NLGN1: variants seen among roughly 807,000 people sequenced by gnomAD.
NLGN1 encodes the protein neuroligin 1, also known as neuroligin-1.
In NLGN1, 12 loss-of-function variants were observed where a neutral mutation model predicts 65.5. The observed-to-expected ratio is 0.18, with a 90% CI of 0.12 to 0.30. The LOEUF is 0.30. Among genes scored for constraint, NLGN1 ranks in the 10% least tolerant of loss-of-function variants. NLGN1 has a pLI of 1.00. For missense variants in NLGN1, 750 were observed against 1,007.1 expected (o/e 0.74, Z 3.46); for synonymous variants, 350 against 359.5 (o/e 0.97, Z 0.30).
intron 3 of NLGN1, among the ~76,000 whole-genome samples, chr3:173,746,765 A>G (rs1175444738): frequency 2.0e-5 from 3 of 152,136 alleles, no homozygotes; most frequent in Admixed American, 2.0e-4. Flanking sequence ...ATTCAATATA[A>G]CACCTTTAGG....
chr3:173,932,044 G>T (rs1315461389), intron 4 of NLGN1, among the ~76,000 whole-genome samples: 1 of 151,736 alleles, frequency 6.6e-6, no homozygotes, highest in Non-Finnish European at 1.5e-5. Flanking sequence ...GTTTTGTTTT[G>T]TTTTCCAGAG....
At chr3:173,405,451 C>T (rs117099642) in intron 1 of NLGN1, among the ~76,000 whole-genome samples, 1 of 151,832 alleles carries the variant, frequency 6.6e-6, no homozygotes, top group Non-Finnish European at 1.5e-5. Context: ...ATAAAATGCA[C>T]CTTGATTTCA....
chr3:173,763,448 A>T (rs1436200952), intron 3 of NLGN1, among the ~76,000 whole-genome samples: 1 of 152,176 alleles, frequency 6.6e-6, no homozygotes, highest in South Asian at 2.1e-4. Context: ...TGGAAAGCAC[A>T]GCAGAAATTC....
intron 4 of NLGN1, among the ~76,000 whole-genome samples, chr3:174,111,840 C>A (rs187927494): frequency 9.5e-4 from 144 of 151,952 alleles, no homozygotes; most frequent in African/African-American, 3.3e-3. Flanking sequence ...AACACATGAA[C>A]GTGCAAGGAA....
intron 4 of NLGN1, among the ~76,000 whole-genome samples, chr3:174,048,075 C>T (rs1332729778): frequency 2.6e-5 from 4 of 152,076 alleles, no homozygotes; most frequent in Admixed American, 2.6e-4. Flanking sequence ...CTTATCTGTC[C>T]TCCATACTCA....
intron 4 of NLGN1, among the ~76,000 whole-genome samples, chr3:173,836,861 G>T (rs999609925): frequency 6.6e-6 from 1 of 152,110 alleles, no homozygotes; most frequent in African/African-American, 2.4e-5. Flanking sequence ...TTCTTGTTTG[G>T]ATTTTTCTAA....
intron 4 of NLGN1, among the ~76,000 whole-genome samples, chr3:174,094,746 T>TAAAA (rs5854552): frequency 2.0e-4 from 18 of 88,896 alleles, no homozygotes; most frequent in African/African-American, 4.8e-4. Flanking sequence ...TTGGCTCCGC[T>TAAAA]AAAAAAAAAA....
At chr3:174,122,924 AAATT>A (rs1202866256) in intron 4 of NLGN1, among the ~76,000 whole-genome samples, 7 of 152,002 alleles carry the variant, frequency 4.6e-5, no homozygotes, top group African/African-American at 1.4e-4. Context: ...AATAATAAAT[AAATT>A]AATAAATAAA....
chr3:173,438,779 C>T (rs1718616042), intron 2 of NLGN1, among the ~76,000 whole-genome samples: 1 of 152,050 alleles, frequency 6.6e-6, no homozygotes, highest in African/African-American at 2.4e-5. Flanking sequence ...CAGTTGCCTT[C>T]AGGGAGTTAA....
chr3:174,056,605 T>G (rs1167143121), intron 4 of NLGN1, among the ~76,000 whole-genome samples: 1 of 152,034 alleles, frequency 6.6e-6, no homozygotes, highest in East Asian at 1.9e-4. Context: ...AATACCAGGA[T>G]ACATAATGGG....
chr3:174,001,057 G>T (rs1018343519), intron 4 of NLGN1, among the ~76,000 whole-genome samples: 4 of 152,010 alleles, frequency 2.6e-5, no homozygotes, highest in Admixed American at 1.3e-4. Context: ...TTGCATGTTG[G>T]GTGCAAATGA....
At chr3:173,772,549 C>T (rs1437903293) in intron 3 of NLGN1, among the ~76,000 whole-genome samples, 2 of 151,988 alleles carry the variant, frequency 1.3e-5, no homozygotes, top group Non-Finnish European at 2.9e-5. Context: ...ACCTGGGAGA[C>T]GGAGGTTGCA....
At chr3:173,726,680 A>C (rs1771840677) in intron 3 of NLGN1, among the ~76,000 whole-genome samples, 1 of 152,086 alleles carries the variant, frequency 6.6e-6, no homozygotes, top group African/African-American at 2.4e-5. Flanking sequence ...GTTTTTCTTC[A>C]TTTGGTTTAT....
Position 173,539,656 on chromosome 3 carries a change from T to C in NLGN1, c.-320-64623T>C, listed in dbSNP as rs1352211907. The stretch of plus-strand genomic sequence containing the variant: ...TACACATATATACATATATAACATA[T>C]GTGTATATATGCACATATATAACAT... On this transcript the variant is annotated intron_variant, in intron 2 of 6. Coordinates refer to ENST00000457714, the Ensembl canonical transcript of NLGN1. Among the ~76,000 whole-genome samples the C allele has an allele frequency of 2.5e-3, 344 of 137,744 alleles. 9 individuals carry two copies. The highest frequency in any genetic ancestry group is 9.2e-3 in the African/African-American group (326 of 35,622). 90.4% of individuals were successfully genotyped at this position (137,744 alleles called of 152,430 possible). A position where few individuals can be genotyped will look rare whatever the true frequency, so the allele number is the denominator to read the frequency against.
chr3:173,440,807 T>A (rs1252606494), intron 2 of NLGN1, among the ~76,000 whole-genome samples: 1 of 152,176 alleles, frequency 6.6e-6, no homozygotes. Context: ...GGTTTCAATA[T>A]AAAGTCTCTA....
chr3:173,678,720 A>C (rs1327225145), intron 3 of NLGN1, among the ~76,000 whole-genome samples: 1 of 152,104 alleles, frequency 6.6e-6, no homozygotes, highest in African/African-American at 2.4e-5. Flanking sequence ...ATGTGGTCAG[A>C]TATGAATTTC....
At chr3:173,536,861 C>A (rs1395637286) in intron 2 of NLGN1, among the ~76,000 whole-genome samples, 1 of 152,016 alleles carries the variant, frequency 6.6e-6, no homozygotes, top group Non-Finnish European at 1.5e-5. Flanking sequence ...CTGAAGCCAG[C>A]AAGTTAGAGA....
intron 2 of NLGN1, among the ~76,000 whole-genome samples, chr3:173,445,253 G>A (rs1719992703): frequency 8.2e-6 from 1 of 122,440 alleles, no homozygotes; most frequent in Non-Finnish European, 1.6e-5. Flanking sequence ...GGGCGACAGA[G>A]CGAGACTCCG....
intron 3 of NLGN1, among the ~76,000 whole-genome samples, chr3:173,704,640 A>G (rs1364002158): frequency 6.6e-6 from 1 of 152,066 alleles, no homozygotes; most frequent in Non-Finnish European, 1.5e-5. Context: ...TATTTTGGTC[A>G]CTCTGCCTAC....
Sources: gnomAD v4.1 joint callset for allele counts (sites outside exome capture counted in the v4.1 genomes callset) on GRCh38, gnomAD v4.1.1 for gene constraint, MANE v1.5 for transcripts, NCBI Gene and HGNC (gene_info 2026-07-23, HGNC 2026-07-21) for gene names.